Variants in CAST observed in about 807,000 individuals in gnomAD.
The protein encoded by CAST is calpastatin.
CAST carries 76 observed loss-of-function variants against 119.6 expected under a neutral mutation model. The observed-to-expected ratio is 0.64, with a 90% CI of 0.53 to 0.77. The LOEUF (loss-of-function observed/expected upper bound fraction) is 0.77. Ranked by LOEUF, CAST falls within the 30% of genes least tolerant of loss-of-function variation. CAST has a pLI of 0.00. For missense variants in CAST, 953 were observed against 946.5 expected (o/e 1.01, Z -0.09); for synonymous variants, 319 against 331.6 (o/e 0.96, Z 0.41).
At chr5:96,467,729 C>A in the CAST span, among the ~76,000 whole-genome samples, 2 of 143,102 alleles carry the variant, frequency 1.4e-5, no homozygotes, top group African/African-American at 2.7e-5. Context: ...TAAAAAAAAA[C>A]AATAGCTGTT....
At chr5:96,526,300 G>C (rs904518153), upstream of CAST, among the ~76,000 whole-genome samples, 1 of 152,184 alleles carries the variant, frequency 6.6e-6, no homozygotes, top group South Asian at 2.1e-4. Context: ...AGGGGTTTGG[G>C]GATTTGGAGA....
chr5:96,292,256 T>C, the CAST span, among the ~76,000 whole-genome samples: 1 of 152,208 alleles, frequency 6.6e-6, no homozygotes, highest in African/African-American at 2.4e-5. Context: ...GCTTCGAGAC[T>C]TCTGTAGATC....
At chr5:96,492,694 A>T in the CAST span, among the ~76,000 whole-genome samples, 1 of 152,230 alleles carries the variant, frequency 6.6e-6, no homozygotes, top group Non-Finnish European at 1.5e-5. Context: ...CCCTCCTGTC[A>T]TCACATAATG....
the CAST span, among the ~76,000 whole-genome samples, chr5:96,281,762 G>C: frequency 6.6e-6 from 1 of 152,150 alleles, no homozygotes; most frequent in South Asian, 2.1e-4. Flanking sequence ...CACTTACATG[G>C]CATTGATGTG....
At chr5:96,318,954 C>T in the CAST span, 3 of 152,224 alleles carry the variant, frequency 2.0e-5, no homozygotes, top group Admixed American at 6.5e-5. Flanking sequence ...TGTGTTAGTA[C>T]ATTTTGCATT....
intron 1 of CAST, among the ~76,000 whole-genome samples, chr5:96,588,703 G>T (rs1746906837): frequency 6.6e-6 from 1 of 152,118 alleles, no homozygotes; most frequent in South Asian, 2.1e-4. Flanking sequence ...AAGTCTGACT[G>T]CCCTTTTCTC....
At chr5:96,098,390 C>T in the CAST span, among the ~76,000 whole-genome samples, 3 of 152,062 alleles carry the variant, frequency 2.0e-5, no homozygotes, top group Non-Finnish European at 4.4e-5. Context: ...ATCATGAAAT[C>T]TTTGCCCGTG....
chr5:96,247,525 T>C, the CAST span, among the ~76,000 whole-genome samples: 1 of 152,242 alleles, frequency 6.6e-6, no homozygotes, highest in African/African-American at 2.4e-5. Flanking sequence ...ACGTGTAACA[T>C]GTTCAAACTG....
At chr5:96,279,219 A>C in the CAST span, among the ~76,000 whole-genome samples, 1 of 152,040 alleles carries the variant, frequency 6.6e-6, no homozygotes, top group Non-Finnish European at 1.5e-5. Flanking sequence ...ACATTGCTTT[A>C]CTCTGGATTT....
At chr5:96,398,798 G>T in the CAST span, 1 of 1,138,566 alleles carries the variant, frequency 8.8e-7, no homozygotes, top group South Asian at 1.2e-5. Context: ...TTTGTTCTAT[G>T]AATAAACAAA....
At chr5:96,769,810 A>G (rs1035024965) in intron 29 of CAST, 3 of 148,846 alleles carry the variant, frequency 2.0e-5, no homozygotes, top group Non-Finnish European at 4.5e-5. Flanking sequence ...TATATATTCT[A>G]CATATAAGTG....
the CAST span, among the ~76,000 whole-genome samples, chr5:96,463,251 T>C: frequency 6.6e-6 from 1 of 152,122 alleles, no homozygotes; most frequent in Non-Finnish European, 1.5e-5. Flanking sequence ...GCTTCATTTC[T>C]CTCTTGTGTA....
chr5:96,275,874 G>A, the CAST span, among the ~76,000 whole-genome samples: 2 of 152,160 alleles, frequency 1.3e-5, no homozygotes, highest in Admixed American at 1.3e-4. Context: ...AAATGTTTTC[G>A]AGGAGATTTC....
chr5:96,692,184 C>G (rs1367619383), intron 2 of CAST, among the ~76,000 whole-genome samples: 1 of 152,244 alleles, frequency 6.6e-6, no homozygotes, highest in Non-Finnish European at 1.5e-5. Context: ...GTATGCAGAT[C>G]TAGTGAGCTA....
chr5:96,053,127 T>A, the CAST span, among the ~76,000 whole-genome samples: 1 of 152,178 alleles, frequency 6.6e-6, no homozygotes, highest in African/African-American at 2.4e-5. Context: ...AAGGATCTGG[T>A]CTTTTAATGG....
the CAST span, among the ~76,000 whole-genome samples, chr5:96,344,389 AT>A: frequency 1.3e-5 from 2 of 152,218 alleles, no homozygotes; most frequent in South Asian, 2.1e-4. Context: ...TAATGGTTAT[AT>A]TTTTTAAGTG....
the CAST span, among the ~76,000 whole-genome samples, chr5:96,076,735 A>G: frequency 6.6e-6 from 1 of 152,150 alleles, no homozygotes; most frequent in Non-Finnish European, 1.5e-5. Flanking sequence ...ATAACCATCA[A>G]GCTCAATGAT....
chr5:96,637,168 T>A (rs1420049022), intron 1 of CAST, among the ~76,000 whole-genome samples: 2 of 152,264 alleles, frequency 1.3e-5, no homozygotes, highest in African/African-American at 2.4e-5. Context: ...CTGTTGCTAA[T>A]GTAATTTTAT....
chr5:96,385,498 T>C, the CAST span, among the ~76,000 whole-genome samples: 1 of 152,210 alleles, frequency 6.6e-6, no homozygotes, highest in East Asian at 1.9e-4. Context: ...CCTTTCTGAA[T>C]CTCAGTTTCC....
Sources: gnomAD v4.1 joint callset for allele counts (sites outside exome capture counted in the v4.1 genomes callset) on GRCh38, gnomAD v4.1.1 for gene constraint, MANE v1.5 for transcripts, NCBI Gene and HGNC (gene_info 2026-07-23, HGNC 2026-07-21) for gene names.